STK3: variants seen among roughly 807,000 people sequenced by gnomAD.
The protein encoded by STK3 is serine/threonine kinase 3, also known as serine/threonine-protein kinase 3.
STK3 carries 41 observed loss-of-function variants against 58.0 expected under a neutral mutation model. The observed-to-expected ratio is 0.71, with a 90% CI of 0.55 to 0.92. STK3 has a LOEUF of 0.92. Among genes scored for constraint, STK3 ranks in the 40% least tolerant of loss-of-function variants. The pLI is 0.00. For synonymous variants in STK3, 170 were observed against 191.0 expected, an observed-to-expected ratio of 0.89 and a Z score of 0.91; for missense variants, 479 against 602.7, an observed-to-expected ratio of 0.79 and a Z score of 2.15.
intron 3 of STK3, chr8:98,393,694 C>A (rs1292479290): frequency 6.6e-6 from 1 of 151,800 alleles, no homozygotes; most frequent in Non-Finnish European, 1.5e-5. Flanking sequence ...GATAAGAGAC[C>A]TTTATATCCT....
At chr8:98,875,575 A>C (rs1353889112) in intron 3 of STK3, 2 of 152,240 alleles carry the variant, frequency 1.3e-5, no homozygotes, top group East Asian at 3.8e-4. Context: ...TTCATAAATA[A>C]AGACCATTTC....
At chr8:98,915,078 C>G (rs956564381) in intron 1 of STK3, among the ~76,000 whole-genome samples, 1 of 152,072 alleles carries the variant, frequency 6.6e-6, no homozygotes, top group Non-Finnish European at 1.5e-5. Context: ...ATGGTTAATA[C>G]TAAGTGTTAA....
At chr8:98,461,776 C>T (rs186592538) in intron 10 of STK3, among the ~76,000 whole-genome samples, 5 of 152,216 alleles carry the variant, frequency 3.3e-5, no homozygotes, top group East Asian at 1.9e-4. Context: ...TCTTAGTTAA[C>T]GGTTTTCTGT....
chr8:98,695,619 C>G (rs951890432), intron 6 of STK3, among the ~76,000 whole-genome samples: 1 of 152,182 alleles, frequency 6.6e-6, no homozygotes, highest in African/African-American at 2.4e-5. Context: ...TTCCCCATTG[C>G]TTGTTTTTCT....
chr8:98,755,908 G>A (rs927694413), intron 3 of STK3, among the ~76,000 whole-genome samples: 9 of 152,192 alleles, frequency 5.9e-5, no homozygotes, highest in Middle Eastern at 3.4e-3. Flanking sequence ...TTGGGAGGCC[G>A]AGGCAGGCGA....
chr8:98,787,501 A>G (rs924297365), intron 1 of STK3, among the ~76,000 whole-genome samples: 3 of 152,180 alleles, frequency 2.0e-5, no homozygotes, highest in Non-Finnish European at 4.4e-5. Context: ...AAAGTCTGGA[A>G]AATATATTTG....
chr8:98,610,774 T>C (rs957106512), intron 6 of STK3, among the ~76,000 whole-genome samples: 5 of 152,180 alleles, frequency 3.3e-5, no homozygotes, highest in Non-Finnish European at 5.9e-5. Context: ...GGCATAATCT[T>C]TGGGCAAAGG....
At chr8:98,560,179 TAGTG>T (rs1811897680) in intron 8 of STK3, among the ~76,000 whole-genome samples, 1 of 152,086 alleles carries the variant, frequency 6.6e-6, no homozygotes, top group Non-Finnish European at 1.5e-5. Context: ...CAAGGAAACA[TAGTG>T]AGGATACAGA....
chr8:98,904,417 A>G (rs917169013), intron 1 of STK3, among the ~76,000 whole-genome samples: 4 of 152,220 alleles, frequency 2.6e-5, no homozygotes, highest in African/African-American at 9.7e-5. Context: ...TATCAGGAGG[A>G]AAGAAAAGTC....
intron 6 of STK3, among the ~76,000 whole-genome samples, chr8:98,658,351 AT>A (rs1821704224): frequency 6.6e-6 from 1 of 152,054 alleles, no homozygotes. Context: ...TGCTGCTGAG[AT>A]TAGTACCTGC....
chr8:98,529,963 C>T (rs1826046136), intron 9 of STK3, among the ~76,000 whole-genome samples: 1 of 152,068 alleles, frequency 6.6e-6, no homozygotes, highest in Non-Finnish European at 1.5e-5. Flanking sequence ...GTGATGGCTG[C>T]ACAACTTTAT....
intron 6 of STK3, among the ~76,000 whole-genome samples, chr8:98,612,668 C>T (rs1817295904): frequency 6.6e-6 from 1 of 151,938 alleles, no homozygotes; most frequent in South Asian, 2.1e-4. Context: ...CAAAACCCTG[C>T]CCAAAAGATG....
At chr8:98,739,429 C>T (rs1249952429) in intron 4 of STK3, among the ~76,000 whole-genome samples, 3 of 151,014 alleles carry the variant, frequency 2.0e-5, no homozygotes, top group East Asian at 1.9e-4. Context: ...GCAGCATTCG[C>T]GGTTCATGAA....
chr8:98,760,003 G>A (rs1347227456), intron 3 of STK3, among the ~76,000 whole-genome samples: 3 of 151,100 alleles, frequency 2.0e-5, no homozygotes, highest in Admixed American at 6.6e-5. Flanking sequence ...CCAAATAATT[G>A]TTATACTGCA....
chr8:98,494,679 A>AAAG (rs1554602972), intron 10 of STK3, among the ~76,000 whole-genome samples: 182 of 150,524 alleles, frequency 1.2e-3, no homozygotes, highest in Non-Finnish European at 2.5e-3. Context: ...AAAAAAAAAA[A>AAAG]AGAGAGAGAG....
At chr8:98,698,644 A>G (rs1432929041) in intron 6 of STK3, among the ~76,000 whole-genome samples, 1 of 152,214 alleles carries the variant, frequency 6.6e-6, no homozygotes, top group Non-Finnish European at 1.5e-5. Flanking sequence ...GCTGGATATG[A>G]AATTCTGGGT....
chr8:98,757,598 G>GAAAA (rs1040308347), intron 3 of STK3, among the ~76,000 whole-genome samples: 1 of 58,516 alleles, frequency 1.7e-5, no homozygotes, highest in African/African-American at 6.1e-5. Flanking sequence ...CCATCTCAAA[G>GAAAA]AAAAAAAAAA....
At position 98,812,335 on chromosome 8, in the gene STK3, G is replaced by A. The variant is rs530999007; in HGVS notation, c.26+13180C>T. Among the ~76,000 whole-genome samples the A allele has an allele frequency of 2.4e-4, 36 of 152,248 alleles. No individual in the cohort carries two copies. The Middle Eastern group carries it at 0.031, about 129-fold the overall frequency. On this transcript the variant is annotated intron_variant, in intron 1 of 10. Transcript: ENST00000419617. The stretch of plus-strand genomic sequence containing the variant: ...GAGAAATGCAAATCAAAACCACAAT[G>A]TGATACCATCTCACACCAGTTTGAA...
intron 6 of STK3, among the ~76,000 whole-genome samples, chr8:98,670,738 C>G (rs1264203881): frequency 6.6e-6 from 1 of 152,214 alleles, no homozygotes; most frequent in Non-Finnish European, 1.5e-5. Flanking sequence ...CCCATAAAAA[C>G]CCCAGATCCA....
Sources: allele counts gnomAD v4.1 joint callset (sites outside exome capture counted in the v4.1 genomes callset), GRCh38; gene constraint gnomAD v4.1.1; transcripts MANE v1.5; gene names NCBI Gene and HGNC (gene_info 2026-07-23, HGNC 2026-07-21).